Variants in SYT12 observed in about 807,000 individuals in gnomAD.
SYT12 encodes synaptotagmin-12.
In SYT12, 27 loss-of-function variants were observed where a neutral mutation model predicts 39.5. The ratio of observed to expected loss-of-function variants is 0.68; its 90% confidence interval spans 0.50 to 0.94. SYT12 has a LOEUF of 0.94. Ranked by LOEUF, SYT12 falls within the 40% of genes least tolerant of loss-of-function variation. The pLI, the probability that SYT12 is intolerant of heterozygous loss-of-function variation, is 0.00. For synonymous variants in SYT12, 233 were observed against 239.7 expected, an observed-to-expected ratio of 0.97 and a Z score of 0.26; for missense variants, 536 against 572.6, an observed-to-expected ratio of 0.94 and a Z score of 0.65.
At chr11:67,033,656 T>C (rs56072081) in intron 2 of SYT12, among the ~76,000 whole-genome samples, 15 of 152,330 alleles carry the variant, frequency 9.8e-5, no homozygotes, top group Non-Finnish European at 1.9e-4. Flanking sequence ...CTTTAGCCTT[T>C]CTGTGCCTCA....
At chr11:67,036,065 C>A (rs115673064) in intron 3 of SYT12, among the ~76,000 whole-genome samples, 4,099 of 151,566 alleles carry the variant, frequency 0.027, 173 homozygotes, top group African/African-American at 0.088. Context: ...CAGGCCCAAG[C>A]CACCATGCCT....
Position 67,048,966 on chromosome 11 carries a change from G to A in SYT12, c.*209G>A. 1 of 563,398 alleles carries A rather than the reference G, an allele frequency of 1.8e-6. No individual in the cohort carries two copies. The highest frequency in any genetic ancestry group is 2.8e-5 in the South Asian group (1 of 35,522). The allele number at this position is 563,398 out of a possible 1,614,324, so 34.9% of individuals were successfully genotyped here. Reference sequence around the variant, plus strand: ...CAGGGCCCCAGGGTCTGCTCCTGCTGAGGACCAGCTGTGGCTGGGCCAGGA... The same window carrying A: ...CAGGGCCCCAGGGTCTGCTCCTGCTAAGGACCAGCTGTGGCTGGGCCAGGA... On this transcript the variant is annotated 3_prime_UTR_variant, in exon 8 of 8. Coordinates refer to ENST00000527043, the MANE Select transcript of SYT12 (RefSeq NM_177963.4).
intron 4 of SYT12, 46 bp downstream of exon 4, chr11:67,040,249 A>G (rs1950484378): frequency 6.5e-7 from 1 of 1,529,946 alleles, no homozygotes; most frequent in Non-Finnish European, 8.8e-7. Context: ...TGGGCTCACT[A>G]GATGCCTCCC....
At chr11:67,030,435 G>T in intron 2 of SYT12, 2 of 486,122 alleles carry the variant, frequency 4.1e-6, no homozygotes, top group Admixed American at 3.8e-5. Flanking sequence ...CACTTGAAAG[G>T]GTCCCCGGGG....
At chr11:67,018,526 TAAAAAA>T (rs1424139967), upstream of SYT12, among the ~76,000 whole-genome samples, 16 of 150,024 alleles carry the variant, frequency 1.1e-4, no homozygotes, top group Admixed American at 9.9e-4. Flanking sequence ...TTCTGTCTCT[TAAAAAA>T]GAAAAAGAGG....
intron 2 of SYT12, 52 bp from the exon 3 acceptor site, chr11:67,034,593 G>T (rs1950323759): frequency 6.6e-7 from 1 of 1,516,942 alleles, no homozygotes; most frequent in African/African-American, 1.4e-5. Flanking sequence ...TCCCCGGGTG[G>T]GGGTCTGTAT....
intron 3 of SYT12, among the ~76,000 whole-genome samples, chr11:67,013,731 G>A (rs997622262): frequency 9.2e-5 from 14 of 152,384 alleles, no homozygotes; most frequent in Admixed American, 9.1e-4. Context: ...GCTGCAGTCT[G>A]CTCAGCGCCC....
At position 67,039,904 on chromosome 11, in the gene SYT12, A is replaced by G. The variant is rs1350842681; in HGVS notation, c.322A>G (p.Ser108Gly). 3.7e-6 allele frequency: 6 copies of G among 1,613,746 alleles called. No individual in the cohort carries two copies. The South Asian group carries it at 5.5e-5, about 15-fold the overall frequency. Residue 108 changes from serine to glycine, a missense_variant, in exon 4 of 8, where the codon AGT (serine) becomes GGT (glycine). Ser to Gly is a moderately conservative substitution (Grantham distance 56, BLOSUM62 0). Transcript: ENST00000527043. ...CATTGAGGACACCTTTGAGAGCATC[A>G]GTGAACTGGGGCCTCTGGAGCTGAT... The part of the protein sequence containing the change: ...LSIEDTFESI[S>G]ELGPLELMGR...
chr11:67,049,221 A>G lies in SYT12; in HGVS notation c.*464A>G, dbSNP rs1854676319. On this transcript the variant is annotated 3_prime_UTR_variant, in exon 8 of 8. Coordinates refer to ENST00000527043, the MANE Select transcript of SYT12 (RefSeq NM_177963.4). ...CTCAGGGGGCTCTGAGGGCTAGGGA[A>G]ACAGGAAGGGCCTCTTTGACAAGGT... 6.4e-6 allele frequency: 1 copy of G among 155,882 alleles called. No homozygotes were observed. The highest frequency in any genetic ancestry group is 1.4e-5 in the Non-Finnish European group (1 of 70,332). The allele number at this position is 155,882 out of a possible 1,614,324, so 9.7% of individuals were successfully genotyped here. A position where few individuals can be genotyped will look rare whatever the true frequency, so the allele number is the denominator to read the frequency against.
intron 7 of SYT12, among the ~76,000 whole-genome samples, chr11:67,046,446 T>G (rs1854554170): frequency 1.3e-5 from 2 of 152,180 alleles, no homozygotes; most frequent in Admixed American, 1.3e-4. Flanking sequence ...CTAGCCCTCC[T>G]CGGCACTCCT....
At chr11:67,018,809 C>T (rs751716336), upstream of SYT12, among the ~76,000 whole-genome samples, 3 of 151,030 alleles carry the variant, frequency 2.0e-5, no homozygotes, top group East Asian at 3.9e-4. Flanking sequence ...GGCGACAGAG[C>T]GAGACTCCGT....
Position 67,049,003 on chromosome 11 carries a change from A to C in SYT12, c.*246A>C, listed in dbSNP as rs1590661474. Reference sequence around the variant, plus strand: ...TGGCTGGGCCAGGACAGAGGACTCAACCCTGCTCCTCCCGGTAGGCCAGCT... The same window carrying C: ...TGGCTGGGCCAGGACAGAGGACTCACCCCTGCTCCTCCCGGTAGGCCAGCT... On this transcript the variant is annotated 3_prime_UTR_variant, in exon 8 of 8. Coordinates refer to ENST00000527043, the MANE Select transcript of SYT12 (RefSeq NM_177963.4). 1 of 423,502 alleles carries C rather than the reference A, an allele frequency of 2.4e-6. No homozygotes were observed. Among genetic ancestry groups the C allele is most frequent in the Non-Finnish European group, 4.2e-6 (1 of 236,658 alleles). The allele number at this position is 423,502 out of a possible 1,614,324, so 26.2% of individuals were successfully genotyped here.
chr11:67,013,307 T>C (rs1950027902), intron 3 of SYT12, among the ~76,000 whole-genome samples: 1 of 152,210 alleles, frequency 6.6e-6, no homozygotes, highest in Admixed American at 6.5e-5. Context: ...GCCCTGGCCA[T>C]GCAAGCTCTT....
intron 4 of SYT12, among the ~76,000 whole-genome samples, chr11:67,042,970 C>T (rs1445158595): frequency 1.3e-5 from 2 of 152,162 alleles, no homozygotes; most frequent in African/African-American, 4.8e-5. Flanking sequence ...TAGGCAGCCC[C>T]CCAGCCTCAG....
At chr11:67,044,267 G>A (rs182781109) in intron 5 of SYT12, among the ~76,000 whole-genome samples, 21 of 152,268 alleles carry the variant, frequency 1.4e-4, no homozygotes, top group African/African-American at 4.3e-4. Flanking sequence ...TATTACTACC[G>A]CAGTGTTTTC....
chr11:67,029,833 CAAAG>C, intron 1 of SYT12: 1 of 331,606 alleles, frequency 3.0e-6, no homozygotes, highest in Non-Finnish European at 5.5e-6. Context: ...GCCTGGGCAA[CAAAG>C]AGAGACTCCA....
In SYT12 at chr11:67,030,334, C is replaced by T. The variant is rs1432982401; in HGVS notation, c.34+156C>T. The T allele has an allele frequency of 2.1e-5, 16 of 759,294 alleles. No individual in the cohort carries two copies. In the East Asian group the frequency reaches 3.2e-4, roughly 15 times the overall value. The allele number at this position is 759,294 out of a possible 1,614,324, so 47.0% of individuals were successfully genotyped here. On this transcript the variant is annotated intron_variant, in intron 2 of 7. Transcript: ENST00000527043. ...GTGACTTGCCCAAGGTCAGACAGCC[C>T]GCCCTGGGGACATCAAGCTTGGCCC...
intron 7 of SYT12, among the ~76,000 whole-genome samples, chr11:67,047,662 G>T (rs930703006): frequency 6.6e-6 from 1 of 150,916 alleles, no homozygotes; most frequent in African/African-American, 2.4e-5. Flanking sequence ...GGAAGTGGAG[G>T]CCAGGCGTGG....
Position 67,050,336 on chromosome 11 carries a change from T to A in SYT12, c.*1579T>A, listed in dbSNP as rs2136240148. ...AGCAGGTGGGGTATCATCTGCTCGG[T>A]GGGGCCACCCACAGGTGACAGCATG... On this transcript the variant is annotated 3_prime_UTR_variant, in exon 8 of 8. Coordinates refer to ENST00000527043, the MANE Select transcript of SYT12 (RefSeq NM_177963.4). 1 of 152,520 alleles carries A rather than the reference T, an allele frequency of 6.6e-6. No homozygotes were observed. The highest frequency in any genetic ancestry group is 2.1e-4 in the South Asian group (1 of 4,836). The allele number at this position is 152,520 out of a possible 1,614,324, so 9.4% of individuals were successfully genotyped here.
Sources: gnomAD v4.1 joint callset for allele counts (sites outside exome capture counted in the v4.1 genomes callset) on GRCh38, gnomAD v4.1.1 for gene constraint, MANE v1.5 for transcripts, NCBI Gene and HGNC (gene_info 2026-07-23, HGNC 2026-07-21) for gene names.